The following DENND2A variants were observed in gnomAD, a reference collection of about 807,000 sequenced individuals.
DENND2A encodes DENN domain-containing protein 2A.
Under a neutral mutation model 105.3 loss-of-function variants are expected in DENND2A, and 53 were observed. The observed-to-expected ratio is 0.50, with a 90% CI of 0.40 to 0.63. The LOEUF (loss-of-function observed/expected upper bound fraction) is 0.63. Among genes scored for constraint, DENND2A ranks in the 30% least tolerant of loss-of-function variants. The pLI is 0.00. For missense variants in DENND2A, 1,138 were observed against 1,279.6 expected (o/e 0.89, Z 1.69); for synonymous variants, 522 against 508.4 (o/e 1.03, Z -0.36).
chr7:140,521,117 C>G (rs889916022), intron 18 of DENND2A, among the ~76,000 whole-genome samples: 4 of 152,050 alleles, frequency 2.6e-5, no homozygotes, highest in Non-Finnish European at 5.9e-5. Context: ...CTCAGGTGAT[C>G]CGCCTGCCTT....
Position 140,527,312 on chromosome 7 carries a change from G to A in DENND2A, c.2505+6C>T. On this transcript the variant is annotated splice_donor_region_variant and intron_variant, in intron 15 of 19. Coordinates refer to ENST00000496613, the MANE Select transcript of DENND2A (RefSeq NM_015689.5). This position sits in a 1 kb window ranked among gnomAD's most constrained non-coding sequence, Gnocchi z 4.9. ...GGGAGGGGGACAGGGCTGAGTGGGA[G>A]CTCACCTCTTCCAGCGGCAGCTCCC... The A allele has an allele frequency of 6.3e-7, 1 of 1,574,890 alleles. No individual in the cohort carries two copies. Among genetic ancestry groups the A allele is most frequent in the Non-Finnish European group, 8.6e-7 (1 of 1,161,428 alleles).
chr7:140,589,963 C>T (rs561323093), intron 3 of DENND2A, among the ~76,000 whole-genome samples: 19 of 152,180 alleles, frequency 1.2e-4, no homozygotes, highest in African/African-American at 3.9e-4. Context: ...GGTCAAATTT[C>T]GAAATGATAA....
rs1585699565 is a variant in DENND2A, at chr7:140,587,891, T to C, written c.996-111A>G. On this transcript the variant is annotated intron_variant, in intron 3 of 19. Transcript: ENST00000496613. Reference sequence around the variant, plus strand: ...CCAAATTTTCTTTTTCTTAGAAAAATTGTTACCGAAATCAACTTTTATTTT... The same window carrying C: ...CCAAATTTTCTTTTTCTTAGAAAAACTGTTACCGAAATCAACTTTTATTTT... The C allele has an allele frequency of 6.0e-6, 7 of 1,167,280 alleles. No individual in the cohort carries two copies. In the East Asian group the frequency reaches 2.1e-4, roughly 35 times the overall value. The allele number at this position is 1,167,280 out of a possible 1,614,324, so 72.3% of individuals were successfully genotyped here.
At position 140,547,698 on chromosome 7, in the gene DENND2A, G is replaced by A. The variant is rs375983567; in HGVS notation, c.2038-759C>T. On this transcript the variant is annotated intron_variant, in intron 12 of 19. Coordinates refer to ENST00000496613, the MANE Select transcript of DENND2A (RefSeq NM_015689.5). ...AAATTTGTACATGATTGTCTGTAGC[G>A]GCATTATTCATAATAGCCACAACAC... Among the ~76,000 whole-genome samples, 9 of 152,172 alleles carry A rather than the reference G, an allele frequency of 5.9e-5. No individual in the cohort carries two copies. In the East Asian group the frequency reaches 7.7e-4, roughly 13 times the overall value.
At chr7:140,541,216 G>A (rs1278312634) in intron 14 of DENND2A, among the ~76,000 whole-genome samples, 3 of 152,062 alleles carry the variant, frequency 2.0e-5, no homozygotes, top group Non-Finnish European at 4.4e-5. Flanking sequence ...AGTGAGACTG[G>A]TGTCTCACTG....
chr7:140,623,903 T>G (rs1800400531), intron 1 of DENND2A, among the ~76,000 whole-genome samples: 1 of 152,152 alleles, frequency 6.6e-6, no homozygotes, highest in South Asian at 2.1e-4. Flanking sequence ...AGGAGAAATT[T>G]CTGTGGGAAA....
rs1796928177 is a variant in DENND2A, at chr7:140,546,788, T to G, written c.2178+11A>C. On this transcript the variant is annotated intron_variant, in intron 13 of 19. Transcript: ENST00000496613. Reference sequence around the variant, plus strand: ...CCTCCCCAGGGAGAAGGAAGGAGTCTGACAACTCACCTCAGTTCCTGAACC... The same window carrying G: ...CCTCCCCAGGGAGAAGGAAGGAGTCGGACAACTCACCTCAGTTCCTGAACC... 10 of 1,613,680 alleles carry G rather than the reference T, an allele frequency of 6.2e-6. No individual in the cohort carries two copies. Among genetic ancestry groups the G allele is most frequent in the Non-Finnish European group, 8.5e-6 (10 of 1,179,854 alleles).
chr7:140,520,870 GT>G (rs377256335), intron 18 of DENND2A, among the ~76,000 whole-genome samples: 74 of 139,794 alleles, frequency 5.3e-4, no homozygotes, highest in African/African-American at 9.5e-4. Context: ...TTTCCAGGTA[GT>G]TTTTTTTTTT....
intron 14 of DENND2A, among the ~76,000 whole-genome samples, chr7:140,537,764 A>G (rs184257096): frequency 9.2e-5 from 14 of 152,268 alleles, no homozygotes; most frequent in African/African-American, 3.4e-4. Flanking sequence ...TTGGCCTCCT[A>G]AAGTGCTAAG....
chr7:140,599,853 C>G (rs1799419209), intron 3 of DENND2A, among the ~76,000 whole-genome samples: 1 of 151,920 alleles, frequency 6.6e-6, no homozygotes, highest in South Asian at 2.1e-4. Flanking sequence ...CATGACAGAC[C>G]ATGCTGAGTG....
chr7:140,583,505 T>G (rs750583159), intron 5 of DENND2A, among the ~76,000 whole-genome samples: 3 of 150,054 alleles, frequency 2.0e-5, no homozygotes, highest in Admixed American at 1.3e-4. Flanking sequence ...AAAAATGACC[T>G]CGCTGGTTGG....
At chr7:140,606,933 A>T (rs1764214580) in intron 1 of DENND2A, among the ~76,000 whole-genome samples, 1 of 152,182 alleles carries the variant, frequency 6.6e-6, no homozygotes, top group Non-Finnish European at 1.5e-5. Flanking sequence ...ATGAGCATAA[A>T]TGGACATGGC....
chr7:140,625,494 A>G (rs1800486508), intron 1 of DENND2A, among the ~76,000 whole-genome samples: 1 of 152,192 alleles, frequency 6.6e-6, no homozygotes, highest in Non-Finnish European at 1.5e-5. Flanking sequence ...AGCCTGGCCA[A>G]CATGGTGAAA....
intron 9 of DENND2A, among the ~76,000 whole-genome samples, chr7:140,565,953 T>C (rs1213846878): frequency 6.6e-6 from 1 of 152,156 alleles, no homozygotes; most frequent in Non-Finnish European, 1.5e-5. Context: ...AATTATCCCA[T>C]ATGATCTAAA....
intron 14 of DENND2A, among the ~76,000 whole-genome samples, chr7:140,529,180 T>C (rs1001889289): frequency 4.6e-5 from 7 of 152,028 alleles, no homozygotes; most frequent in African/African-American, 1.7e-4. Flanking sequence ...ATGGTCAGGC[T>C]GGGTGCGGTG....
At chr7:140,538,795 T>G (rs1442621987) in intron 14 of DENND2A, among the ~76,000 whole-genome samples, 2 of 151,618 alleles carry the variant, frequency 1.3e-5, no homozygotes, top group Non-Finnish European at 2.9e-5. Context: ...GATGAGCAAT[T>G]GCACCTGGCC....
intron 3 of DENND2A, among the ~76,000 whole-genome samples, chr7:140,592,141 G>C (rs1320397191): frequency 6.7e-6 from 1 of 148,570 alleles, no homozygotes; most frequent in Non-Finnish European, 1.5e-5. Context: ...CTGGGTTCAA[G>C]CAATTCTCCT....
At chr7:140,637,247 A>G (rs1800978457) in intron 1 of DENND2A, among the ~76,000 whole-genome samples, 1 of 152,150 alleles carries the variant, frequency 6.6e-6, no homozygotes. Context: ...TCTAATGCAC[A>G]CCCCAAGATT....
rs1439134900 is a variant in DENND2A at position 140,640,485 on chromosome 7, T to TGGCCC, written c.-248+14_-248+18dup. On this transcript the variant is annotated intron_variant, in intron 1 of 19. Coordinates refer to ENST00000496613, the MANE Select transcript of DENND2A (RefSeq NM_015689.5). This position sits in a 1 kb window ranked among gnomAD's most constrained non-coding sequence, Gnocchi z 4.9. ...CTCCCCAGCTCGACCCTGCACCCCC[T>TGGCCC]GGCCCGGCCCGGCCCTACCTCCCCG... 1 of 140,752 alleles carries TGGCCC rather than the reference T, an allele frequency of 7.1e-6. No individual in the cohort carries two copies. The highest frequency in any genetic ancestry group is 1.5e-5 in the Non-Finnish European group (1 of 64,778). 8.7% of individuals were successfully genotyped at this position (140,752 alleles called of 1,614,324 possible). A position where few individuals can be genotyped will look rare whatever the true frequency, so the allele number is the denominator to read the frequency against.
Sources: allele counts gnomAD v4.1 joint callset (sites outside exome capture counted in the v4.1 genomes callset), GRCh38; gene constraint gnomAD v4.1.1; non-coding constraint Gnocchi (gnomAD v3.1); transcripts MANE v1.5; gene names NCBI Gene and HGNC (gene_info 2026-07-23, HGNC 2026-07-21).